The following SLC24A2 variants were observed in gnomAD, a reference collection of about 807,000 sequenced individuals.
The protein encoded by SLC24A2 is solute carrier family 24 member 2, also known as sodium/potassium/calcium exchanger 2.
A neutral mutation model predicts 62.0 loss-of-function variants in SLC24A2; 36 were observed. The ratio of observed to expected loss-of-function variants is 0.58; its 90% CI spans 0.44 to 0.77. The LOEUF is 0.77. Ranked by LOEUF, SLC24A2 falls within the 30% of genes least tolerant of loss-of-function variation. SLC24A2 has a pLI of 0.00. For synonymous variants in SLC24A2, 358 were observed against 294.0 expected, an observed-to-expected ratio of 1.22 and a Z score of -2.23; for missense variants, 846 against 817.9, an observed-to-expected ratio of 1.03 and a Z score of -0.42.
the SLC24A2 span, among the ~76,000 whole-genome samples, chr9:20,273,013 G>T: frequency 3.3e-5 from 5 of 152,186 alleles, no homozygotes; most frequent in Admixed American, 3.3e-4. Flanking sequence ...CATCCTGGCT[G>T]CCAGGGTCTG....
chr9:19,631,075 C>G (rs185674355), intron 2 of SLC24A2, among the ~76,000 whole-genome samples: 26 of 152,306 alleles, frequency 1.7e-4, no homozygotes, highest in Admixed American at 1.2e-3. Context: ...TCATCTCTCT[C>G]TTTTTCACTA....
the SLC24A2 span, among the ~76,000 whole-genome samples, chr9:20,077,639 A>G: frequency 6.6e-6 from 1 of 152,136 alleles, no homozygotes; most frequent in Non-Finnish European, 1.5e-5. Flanking sequence ...CTAGGGTCTC[A>G]TACTAAACTT....
intron 7 of SLC24A2, among the ~76,000 whole-genome samples, chr9:19,568,226 C>A (rs1835734701): frequency 6.6e-6 from 1 of 152,226 alleles, no homozygotes; most frequent in African/African-American, 2.4e-5. Context: ...CATTTTCCTA[C>A]TGACTCTGGA....
At chr9:20,163,004 A>T in the SLC24A2 span, among the ~76,000 whole-genome samples, 1 of 152,170 alleles carries the variant, frequency 6.6e-6, no homozygotes, top group South Asian at 2.1e-4. Flanking sequence ...GCTATCTATG[A>T]CAAACTCACA....
At chr9:19,686,860 C>T (rs531804638) in intron 2 of SLC24A2, among the ~76,000 whole-genome samples, 18 of 152,182 alleles carry the variant, frequency 1.2e-4, no homozygotes, top group African/African-American at 4.1e-4. Flanking sequence ...CTATTCACAA[C>T]AGCAAAGACA....
Position 19,788,791 on chromosome 9 carries a change from C to T in SLC24A2, c.-154+94G>A, listed in dbSNP as rs1823256202. ...ATCCACGGCAGAGCCACCTGTGAGC[C>T]TGCAGAGCAGCAACGGGATGCGCGC... On this transcript the variant is annotated intron_variant, in intron 1 of 10. Transcript: ENST00000341998. The T allele has an allele frequency of 9.1e-6, 9 of 985,334 alleles. No individual in the cohort carries two copies. In the Admixed American group the frequency reaches 4.9e-4, roughly 54 times the overall value. The allele number at this position is 985,334 out of a possible 1,614,324, so 61.0% of individuals were successfully genotyped here. A position where few individuals can be genotyped will look rare whatever the true frequency, so the allele number is the denominator to read the frequency against.
chr9:20,141,031 T>C, the SLC24A2 span, among the ~76,000 whole-genome samples: 1 of 152,126 alleles, frequency 6.6e-6, no homozygotes, highest in African/African-American at 2.4e-5. Context: ...CTCAGAAGAT[T>C]TCTGTATCAT....
the SLC24A2 span, among the ~76,000 whole-genome samples, chr9:19,886,512 T>C: frequency 1.3e-5 from 2 of 152,160 alleles, no homozygotes; most frequent in African/African-American, 4.8e-5. Context: ...CGAGATACCA[T>C]CTCATGCCAG....
the SLC24A2 span, among the ~76,000 whole-genome samples, chr9:19,948,193 T>A: frequency 6.6e-6 from 1 of 152,232 alleles, no homozygotes; most frequent in African/African-American, 2.4e-5. Context: ...TGCAATATTC[T>A]TTACTTCCAG....
the SLC24A2 span, among the ~76,000 whole-genome samples, chr9:20,183,119 G>A: frequency 5.9e-5 from 9 of 152,096 alleles, no homozygotes; most frequent in African/African-American, 2.2e-4. Flanking sequence ...TACCTTAGTG[G>A]CTCGTACCTG....
the SLC24A2 span, among the ~76,000 whole-genome samples, chr9:20,101,762 GA>G: frequency 1.3e-5 from 2 of 151,800 alleles, no homozygotes; most frequent in African/African-American, 4.8e-5. Flanking sequence ...TTAAGGAAAA[GA>G]AAAAAGAAAG....
At chr9:20,041,814 G>A in the SLC24A2 span, among the ~76,000 whole-genome samples, 1 of 152,390 alleles carries the variant, frequency 6.6e-6, no homozygotes, top group African/African-American at 2.4e-5. Flanking sequence ...GAAGGGCTTT[G>A]AGCTCTGCCT....
At chr9:19,774,075 C>T (rs953898451) in intron 2 of SLC24A2, among the ~76,000 whole-genome samples, 1 of 151,990 alleles carries the variant, frequency 6.6e-6, no homozygotes, top group Admixed American at 6.6e-5. Context: ...GTAGGCAAGG[C>T]CCTGAAATGG....
intron 2 of SLC24A2, among the ~76,000 whole-genome samples, chr9:19,692,363 C>A (rs943618408): frequency 6.6e-6 from 1 of 152,040 alleles, no homozygotes; most frequent in African/African-American, 2.4e-5. Context: ...CTAATAATGA[C>A]CTCACTAGAT....
the SLC24A2 span, among the ~76,000 whole-genome samples, chr9:20,053,946 C>T: frequency 5.3e-5 from 8 of 152,206 alleles, no homozygotes; most frequent in East Asian, 1.9e-4. Context: ...TCTGGCACTG[C>T]ATGTGCATGA....
chr9:19,890,811 T>C, the SLC24A2 span, among the ~76,000 whole-genome samples: 724 of 152,242 alleles, frequency 4.8e-3, 1 homozygote, highest in Non-Finnish European at 7.8e-3. Flanking sequence ...CCATAGCTTT[T>C]AATAGTATCT....
chr9:19,764,180 G>C (rs561514756), intron 2 of SLC24A2, among the ~76,000 whole-genome samples: 27 of 152,166 alleles, frequency 1.8e-4, no homozygotes, highest in Non-Finnish European at 3.8e-4. Context: ...ATTTTTTATT[G>C]CGTCTATTTG....
Position 19,520,974 on chromosome 9 carries a change from A to G in SLC24A2, c.1656T>C (p.Ser552=). The part of the protein sequence containing the change: ...AGTSIPDLIT[S]VIVARKGLGD... ...CTAACCCCTTCCGGGCCACTATGAC[A>G]CTGGTGATAAGATCAGGGATGGAGG... The change falls in exon 10 of 11, where the codon AGT becomes AGC. Residue 552 remains serine, a synonymous_variant. Transcript: ENST00000341998. The G allele has an allele frequency of 6.2e-7, 1 of 1,614,064 alleles. No homozygotes were observed. The highest frequency in any genetic ancestry group is 1.1e-5 in the South Asian group (1 of 91,078).
the SLC24A2 span, among the ~76,000 whole-genome samples, chr9:20,222,081 G>C: frequency 2.0e-5 from 3 of 151,994 alleles, no homozygotes; most frequent in Admixed American, 6.6e-5. Context: ...GTAAAAGTAG[G>C]CTAAGATCTT....
Sources: allele counts gnomAD v4.1 joint callset (sites outside exome capture counted in the v4.1 genomes callset), GRCh38; gene constraint gnomAD v4.1.1; transcripts MANE v1.5; gene names NCBI Gene and HGNC (gene_info 2026-07-23, HGNC 2026-07-21).